The following HDAC4 variants were observed in gnomAD, a reference collection of about 807,000 sequenced individuals.
The protein encoded by HDAC4 is histone deacetylase 4.
In HDAC4, 16 loss-of-function variants were observed where a neutral mutation model predicts 135.1. The ratio of observed to expected loss-of-function variants is 0.12; its 90% CI spans 0.08 to 0.18. The LOEUF (loss-of-function observed/expected upper bound fraction) is 0.18. Among genes scored for constraint, HDAC4 ranks in the 10% least tolerant of loss-of-function variants. The pLI is 1.00. For synonymous variants in HDAC4, 685 were observed against 653.4 expected (o/e 1.05, Z -0.74); for missense variants, 1,143 against 1,511.8 (o/e 0.76, Z 4.05).
At chr2:239,225,886 A>C (rs1247543772) in intron 3 of HDAC4, among the ~76,000 whole-genome samples, 1 of 152,202 alleles carries the variant, frequency 6.6e-6, no homozygotes, top group African/African-American at 2.4e-5. Context: ...TCTTGCTGTG[A>C]GGTCCAGAAA....
chr2:239,106,330 G>C (rs1192552170), intron 15 of HDAC4, among the ~76,000 whole-genome samples: 2 of 152,172 alleles, frequency 1.3e-5, no homozygotes, highest in Non-Finnish European at 2.9e-5. Context: ...GAACCTCCTG[G>C]GGGTGGGGGC....
In HDAC4 at chr2:239,134,582, G is replaced by A; in HGVS notation, c.1040C>T (p.Thr347Ile). ...EGSAAPLPLY[T>I]SPSLPNITLG... ...CGTGATGTTGGGCAAGGATGGCGATGTGTAGAGGGGAAGTGGAGCGGCCGA... is the reference window on the plus strand; with the variant it reads ...CGTGATGTTGGGCAAGGATGGCGATATGTAGAGGGGAAGTGGAGCGGCCGA... Residue 347 changes from threonine to isoleucine, a missense_variant, in exon 10 of 27, where the codon ACA becomes ATA. Thr to Ile is a moderately conservative substitution (Grantham distance 89, BLOSUM62 -1). Transcript: ENST00000543185. 6.2e-7 allele frequency: 1 copy of A among 1,614,246 alleles called. No individual in the cohort carries two copies. Among genetic ancestry groups the A allele is most frequent in the Non-Finnish European group, 8.5e-7 (1 of 1,180,038 alleles).
At chr2:239,396,530 C>T (rs1013590315) in intron 1 of HDAC4, among the ~76,000 whole-genome samples, 1 of 152,154 alleles carries the variant, frequency 6.6e-6, no homozygotes, top group African/African-American at 2.4e-5. Context: ...TAATGCTAAC[C>T]TTTCATCACT....
intron 20 of HDAC4, among the ~76,000 whole-genome samples, chr2:239,083,203 C>T (rs1488968445): frequency 2.0e-5 from 3 of 152,394 alleles, no homozygotes; most frequent in South Asian, 2.1e-4. Context: ...ACAGGGTCTA[C>T]GCAGCCTGTC....
At chr2:239,301,990 C>CA (rs984758739) in intron 2 of HDAC4, among the ~76,000 whole-genome samples, 15 of 151,426 alleles carry the variant, frequency 9.9e-5, no homozygotes, top group East Asian at 1.9e-4. Flanking sequence ...ACAACAACAA[C>CA]AAAAAAAACA....
At chr2:239,095,457 T>C (rs564972961) in intron 16 of HDAC4, among the ~76,000 whole-genome samples, 2 of 152,228 alleles carry the variant, frequency 1.3e-5, no homozygotes, top group African/African-American at 4.8e-5. Context: ...CTCAGTGAGC[T>C]CCTAGGGCTT....
In HDAC4 at chr2:239,111,685, T is replaced by C; in HGVS notation, c.1819A>G (p.Ile607Val). 2 of 1,602,806 alleles carry C rather than the reference T, an allele frequency of 1.2e-6. No homozygotes were observed. The highest frequency in any genetic ancestry group is 2.2e-5 in the South Asian group (2 of 89,236). Residue 607 changes from isoleucine (I) to valine (V), a missense_variant, in exon 14 of 27, where the codon ATC becomes GTC. Physicochemically the swap from Ile to Val is conservative, Grantham distance 29. Around this residue, in one of 9 missense-constraint regions of HDAC4, gnomAD observed 196 missense variants for 210.7 expected, o/e 0.93. Transcript: ENST00000543185. ...QQALLLEQQR[I>V]HQLRNYQASM... ...GCCTGGTAGTTCCTCAGCTGGTGGA[T>C]CCGCTGCTGCTCCAGCAGGAGGGCT...
At chr2:239,188,261 T>C (rs905287355) in intron 4 of HDAC4, among the ~76,000 whole-genome samples, 1 of 152,226 alleles carries the variant, frequency 6.6e-6, no homozygotes, top group African/African-American at 2.4e-5. Flanking sequence ...TCCCCCACAA[T>C]CTGCCACTAA....
chr2:239,206,223 G>A (rs1249976347), intron 3 of HDAC4, among the ~76,000 whole-genome samples: 4 of 152,158 alleles, frequency 2.6e-5, no homozygotes, highest in African/African-American at 9.7e-5. Flanking sequence ...AGCTACTCAG[G>A]AGGCTGAGGC....
At chr2:239,259,003 C>T (rs1313905125) in intron 2 of HDAC4, among the ~76,000 whole-genome samples, 6 of 152,120 alleles carry the variant, frequency 3.9e-5, no homozygotes, top group East Asian at 1.9e-4. Context: ...AAATAACAGC[C>T]GAAGGAAGGC....
chr2:239,239,842 T>C (rs921491863), intron 2 of HDAC4, among the ~76,000 whole-genome samples: 3 of 152,262 alleles, frequency 2.0e-5, no homozygotes, highest in Admixed American at 2.0e-4. Flanking sequence ...AGGGCAGCCA[T>C]GTGGAACTAT....
rs67188784 is a variant in HDAC4, at chr2:239,075,223, C to CAA, written c.2750+5870_2750+5871dup. Among the ~76,000 whole-genome samples, 58 of 31,772 alleles carry CAA rather than the reference C, an allele frequency of 1.8e-3. 1 individual carries two copies. Among genetic ancestry groups the CAA allele is most frequent in the East Asian group, 5.6e-3 (5 of 888 alleles). The allele number at this position is 31,772 out of a possible 152,430, so 20.8% of individuals were successfully genotyped here. A position where few individuals can be genotyped will look rare whatever the true frequency, so the allele number is the denominator to read the frequency against. On this transcript the variant is annotated intron_variant, in intron 22 of 26. Coordinates refer to ENST00000543185, the MANE Select transcript of HDAC4 (RefSeq NM_001378414.1). ...TGGGCGACAGAATGAGACTCCGTCT[C>CAA]AAAAAAAAAAAAAAAAAAAAAAAAA...
chr2:239,164,288 A>G (rs919014039), intron 5 of HDAC4, among the ~76,000 whole-genome samples: 2 of 152,252 alleles, frequency 1.3e-5, no homozygotes, highest in Non-Finnish European at 2.9e-5. Flanking sequence ...CGCAAAGCAG[A>G]ATCTAAGAGA....
chr2:239,369,356 GC>G (rs1694444913), intron 1 of HDAC4, among the ~76,000 whole-genome samples: 1 of 152,174 alleles, frequency 6.6e-6, no homozygotes, highest in South Asian at 2.1e-4. Context: ...CGACTGCCCG[GC>G]GGGGGGTGGG....
Position 239,054,851 on chromosome 2 carries a change from A to T in HDAC4, c.3004-18T>A, listed in dbSNP as rs1314147310. ...GGATCAAGCTGGAAGAAAATGCATA[A>T]GAATATAAAGACTGCCAATATAATC... On this transcript the variant is annotated intron_variant, in intron 24 of 26. Coordinates refer to ENST00000543185, the MANE Select transcript of HDAC4 (RefSeq NM_001378414.1). 1 of 1,537,414 alleles carries T rather than the reference A, an allele frequency of 6.5e-7. No individual in the cohort carries two copies. The highest frequency in any genetic ancestry group is 2.2e-5 in the East Asian group (1 of 44,506).
chr2:239,211,891 C>T (rs780545775), intron 3 of HDAC4, among the ~76,000 whole-genome samples: 4 of 152,206 alleles, frequency 2.6e-5, no homozygotes, highest in Non-Finnish European at 2.9e-5. Flanking sequence ...CACGCGCCAC[C>T]GAGGAGCTTC....
At chr2:239,300,122 G>A (rs2052164521) in intron 2 of HDAC4, among the ~76,000 whole-genome samples, 1 of 152,168 alleles carries the variant, frequency 6.6e-6, no homozygotes, top group Admixed American at 6.5e-5. Context: ...CCTTGGGAAG[G>A]AGCATAAATT....
chr2:239,266,226 G>T (rs2125164806), intron 2 of HDAC4, among the ~76,000 whole-genome samples: 1 of 152,318 alleles, frequency 6.6e-6, no homozygotes, highest in East Asian at 1.9e-4. Context: ...CACACTCCAG[G>T]CAGGCCTACT....
intron 2 of HDAC4, among the ~76,000 whole-genome samples, chr2:239,273,999 C>T (rs779440581): frequency 1.3e-5 from 2 of 152,196 alleles, no homozygotes; most frequent in African/African-American, 2.4e-5. Context: ...GTCGCATGTT[C>T]GGAAGACACC....
Sources: allele counts gnomAD v4.1 joint callset (sites outside exome capture counted in the v4.1 genomes callset), GRCh38; gene constraint gnomAD v4.1.1; regional missense constraint gnomAD v4.1.1; transcripts MANE v1.5; gene names NCBI Gene and HGNC (gene_info 2026-07-23, HGNC 2026-07-21).